Variants in KLHL4 observed in about 807,000 individuals in gnomAD.
KLHL4 encodes the protein kelch like family member 4.
Under a neutral mutation model 45.8 loss-of-function variants are expected in KLHL4, and 17 were observed. The observed-to-expected ratio is 0.37, with a 90% CI of 0.25 to 0.56. The LOEUF (loss-of-function observed/expected upper bound fraction) is 0.56. Among genes scored for constraint, KLHL4 ranks in the 20% least tolerant of loss-of-function variants. KLHL4 has a pLI of 0.79. For synonymous variants in KLHL4, 224 were observed against 189.9 expected (o/e 1.18, Z -1.47); for missense variants, 544 against 544.9 (o/e 1.00, Z 0.02).
At chrX:87,525,537 G>T (rs982881144) in intron 1 of KLHL4, among the ~76,000 whole-genome samples, 20 of 111,202 alleles carry the variant, frequency 1.8e-4, no homozygotes, top group Non-Finnish European at 3.4e-4. Context: ...GTGTTTGTTT[G>T]AGAAATAAGA....
At chrX:87,538,510 T>A (rs990271999) in intron 1 of KLHL4, among the ~76,000 whole-genome samples, 3 of 111,883 alleles carry the variant, frequency 2.7e-5, no homozygotes, top group African/African-American at 9.7e-5. Context: ...AATTAATTTT[T>A]AGAGATATAT....
At chrX:87,554,806 T>G (rs201024643) in intron 1 of KLHL4, among the ~76,000 whole-genome samples, 7,716 of 85,866 alleles carry the variant, frequency 0.09, 621 homozygotes, top group East Asian at 0.19. Flanking sequence ...AGTTTTCAAA[T>G]GGAATGCTTC....
intron 8 of KLHL4, among the ~76,000 whole-genome samples, chrX:87,635,197 T>C (rs1923226387): frequency 8.9e-6 from 1 of 112,040 alleles, no homozygotes; most frequent in Non-Finnish European, 1.9e-5. Context: ...CCTGCTAAAA[T>C]TGTAAAGTTG....
At chrX:87,518,990 C>T (rs1217325137) in intron 1 of KLHL4, among the ~76,000 whole-genome samples, 2 of 111,526 alleles carry the variant, frequency 1.8e-5, no homozygotes, top group Non-Finnish European at 3.8e-5. Context: ...TAAACAGTGA[C>T]GATATAGTGT....
chrX:87,578,988 C>A (rs1046303618), intron 1 of KLHL4, among the ~76,000 whole-genome samples: 1 of 111,788 alleles, frequency 8.9e-6, no homozygotes, highest in African/African-American at 3.3e-5. Context: ...GTGCTATATT[C>A]TTTCTTCAAC....
intron 1 of KLHL4, among the ~76,000 whole-genome samples, chrX:87,569,152 A>C (rs1045962748): frequency 1.8e-5 from 2 of 111,648 alleles, no homozygotes; most frequent in African/African-American, 6.5e-5. Flanking sequence ...ACAGTTCATA[A>C]ATAGGCAAAG....
intron 1 of KLHL4, among the ~76,000 whole-genome samples, chrX:87,552,693 T>TTATATATATCTATCTATATA (rs1556022567): frequency 5.6e-5 from 5 of 88,920 alleles, no homozygotes; most frequent in African/African-American, 2.1e-4. Context: ...AACTGTTAAA[T>TTATATATATCTATCTATATA]TATATATATA....
chrX:87,623,288 C>CTTTTTTTTTTTTTTTT (rs67869297), intron 5 of KLHL4, among the ~76,000 whole-genome samples: 1 of 50,202 alleles, frequency 2.0e-5, no homozygotes, highest in African/African-American at 8.6e-5. Context: ...TTCCTTTTTT[C>CTTTTTTTTTTTTTTTT]TTTTTTTTTT....
intron 9 of KLHL4, among the ~76,000 whole-genome samples, chrX:87,662,296 A>G (rs1372099360): frequency 1.8e-5 from 2 of 111,900 alleles, no homozygotes; most frequent in Non-Finnish European, 3.8e-5. Context: ...AAAATTAAAA[A>G]ATATAAAATG....
At chrX:87,591,220 AT>A (rs1207645004) in intron 1 of KLHL4, among the ~76,000 whole-genome samples, 1 of 111,918 alleles carries the variant, frequency 8.9e-6, no homozygotes, top group Non-Finnish European at 1.9e-5. Context: ...CATTTCCCTG[AT>A]TAGTTTCCCA....
At position 87,568,391 on chromosome X, in the gene KLHL4, CT is replaced by C. The variant is rs58586775; in HGVS notation, c.423-45467del. On this transcript the variant is annotated intron_variant, in intron 1 of 10. Coordinates refer to ENST00000373119, the MANE Select transcript of KLHL4 (RefSeq NM_019117.5). ...TTTTTTCTTTTTCTTTTCTTTTTTT[CT>C]TTTTTTTTTTTTTTTTTTGCAGAAA... Among the ~76,000 whole-genome samples, 158 of 57,485 alleles carry C rather than the reference CT, an allele frequency of 2.7e-3. 1 individual carries two copies. Among genetic ancestry groups the C allele is most frequent in the African/African-American group, 3.3e-3 (44 of 13,354 alleles). The allele number at this position is 57,485 out of a possible 115,157, so 49.9% of individuals were successfully genotyped here.
chrX:87,576,892 G>T (rs975120612), intron 1 of KLHL4, among the ~76,000 whole-genome samples: 1 of 111,566 alleles, frequency 9.0e-6, no homozygotes, highest in Non-Finnish European at 1.9e-5. Flanking sequence ...TAACCTGCTA[G>T]ATTGAAATGA....
rs1372275661 is a variant in KLHL4 at position 87,625,853 on chromosome X, A to ACTG, written c.1324+57_1324+58insCTG. 266 of 943,431 alleles carry ACTG rather than the reference A, an allele frequency of 2.8e-4. 1 individual carries two copies. Among genetic ancestry groups the ACTG allele is most frequent in the Non-Finnish European group, 3.7e-4 (254 of 679,115 alleles). The allele number at this position is 943,431 out of a possible 1,213,427, so 77.7% of individuals were successfully genotyped here. A position where few individuals can be genotyped will look rare whatever the true frequency, so the allele number is the denominator to read the frequency against. On this transcript the variant is annotated intron_variant, in intron 6 of 10. Coordinates refer to ENST00000373119, the MANE Select transcript of KLHL4 (RefSeq NM_019117.5). ...AAAGATACATTCTTAACAGCCTCCA[A>ACTG]ATTATAAGGGTGATATTAAAGCCAT...
chrX:87,616,369 T>C (rs1922556952), intron 3 of KLHL4, among the ~76,000 whole-genome samples: 1 of 111,763 alleles, frequency 8.9e-6, no homozygotes, highest in African/African-American at 3.2e-5. Flanking sequence ...GACAAGCCTT[T>C]AAGCAAAAAT....
At chrX:87,594,547 C>T (rs1921777294) in intron 1 of KLHL4, among the ~76,000 whole-genome samples, 1 of 111,298 alleles carries the variant, frequency 9.0e-6, no homozygotes, top group South Asian at 3.8e-4. Context: ...TCCTAAATCC[C>T]TTCTAACAAA....
chrX:87,578,401 A>C (rs752212379), intron 1 of KLHL4, among the ~76,000 whole-genome samples: 4 of 111,715 alleles, frequency 3.6e-5, no homozygotes, highest in Non-Finnish European at 7.5e-5. Context: ...TGCCTTATCT[A>C]GATTTTGGTA....
chrX:87,669,291 T>A lies in KLHL4; in HGVS notation c.*2757T>A. 1 of 1,205,237 alleles carries A rather than the reference T, an allele frequency of 8.3e-7. No individual in the cohort carries two copies. The highest frequency in any genetic ancestry group is 1.1e-6 in the Non-Finnish European group (1 of 892,279). ...AACTCTCAGCATGCATCATGATGAT[T>A]CTCTAACACTGTCTGTCACCTTCCT... On this transcript the variant is annotated 3_prime_UTR_variant, in exon 11 of 11. Coordinates refer to ENST00000373119, the MANE Select transcript of KLHL4 (RefSeq NM_019117.5).
chrX:87,655,068 A>T (rs958248521), intron 9 of KLHL4, among the ~76,000 whole-genome samples: 1 of 111,761 alleles, frequency 8.9e-6, no homozygotes, highest in African/African-American at 3.3e-5. Context: ...CCACATACAT[A>T]CTTTGCAAAT....
intron 5 of KLHL4, 96 bp from the exon 6 acceptor site, chrX:87,625,514 C>T (rs1026703103): frequency 1.2e-4 from 87 of 735,579 alleles, no homozygotes; most frequent in Admixed American, 7.5e-4. Context: ...TACAGGTGTA[C>T]GCCACTGCGC....
Sources: gnomAD v4.1 joint callset for allele counts (sites outside exome capture counted in the v4.1 genomes callset) on GRCh38, gnomAD v4.1.1 for gene constraint, MANE v1.5 for transcripts, NCBI Gene and HGNC (gene_info 2026-07-23, HGNC 2026-07-21) for gene names.